Variants in SLC16A2 observed in about 807,000 individuals in gnomAD.
SLC16A2 encodes the protein solute carrier family 16 member 2, also known as monocarboxylate transporter 8.
SLC16A2 carries 3 observed loss-of-function variants against 27.2 expected under a neutral mutation model. That is an observed-to-expected ratio of 0.11 (90% CI 0.05 to 0.28). The LOEUF (loss-of-function observed/expected upper bound fraction) is 0.28. SLC16A2 is among the 10% of genes least tolerant of loss of function. The pLI is 1.00. For missense variants in SLC16A2, 295 were observed against 458.5 expected (o/e 0.64, Z 3.26); for synonymous variants, 202 against 187.8 (o/e 1.08, Z -0.62).
chrX:74,456,932 C>T (rs1353836776), intron 1 of SLC16A2, among the ~76,000 whole-genome samples: 1 of 112,073 alleles, frequency 8.9e-6, no homozygotes, highest in Non-Finnish European at 1.9e-5. Flanking sequence ...TAGGGTCACA[C>T]AGTAATGCAG....
intron 2 of SLC16A2, among the ~76,000 whole-genome samples, chrX:74,521,413 T>C (rs1930404687): frequency 8.9e-6 from 1 of 112,467 alleles, no homozygotes; most frequent in Admixed American, 9.4e-5. Context: ...AAGTCCGGTT[T>C]TGGCCACTGA....
intron 1 of SLC16A2, chrX:74,473,265 A>G: frequency 1.5e-6 from 1 of 669,442 alleles, no homozygotes; most frequent in Non-Finnish European, 2.4e-6. Flanking sequence ...CACCATAACC[A>G]CCACCACCAT....
chrX:74,501,495 A>G (rs1179245653), intron 1 of SLC16A2, among the ~76,000 whole-genome samples: 1 of 111,499 alleles, frequency 9.0e-6, no homozygotes, highest in African/African-American at 3.3e-5. Context: ...AGCACTAGCC[A>G]GTTTCATGGG....
chrX:74,456,579 C>T (rs1036932636), intron 1 of SLC16A2, among the ~76,000 whole-genome samples: 1 of 111,943 alleles, frequency 8.9e-6, no homozygotes, highest in Non-Finnish European at 1.9e-5. Context: ...TAATAATAAA[C>T]TCATGTGATG....
chrX:74,477,421 C>CA (rs1048579530), intron 1 of SLC16A2, among the ~76,000 whole-genome samples: 4 of 111,236 alleles, frequency 3.6e-5, no homozygotes, highest in African/African-American at 6.5e-5. Flanking sequence ...TTGATCTTTT[C>CA]AAAAAACCAG....
chrX:74,467,654 C>A (rs1929277003), intron 1 of SLC16A2, among the ~76,000 whole-genome samples: 1 of 111,516 alleles, frequency 9.0e-6, no homozygotes, highest in South Asian at 3.8e-4. Context: ...TTAAGAAAAC[C>A]CCAGAGAGCC....
At chrX:74,521,173 G>A in intron 2 of SLC16A2, 39 bp downstream of exon 2, 1 of 1,208,080 alleles carries the variant, frequency 8.3e-7, no homozygotes, top group Non-Finnish European at 1.1e-6. Flanking sequence ...CCAAGGCTGA[G>A]GGTTGGTTTT....
rs779257444 is a variant in SLC16A2 at position 74,475,608 on chromosome X, T to C, written c.431-45382T>C. Among the ~76,000 whole-genome samples, 782 of 111,944 alleles carry C rather than the reference T, an allele frequency of 7.0e-3. 7 individuals are homozygous for C. Among genetic ancestry groups the C allele is most frequent in the Non-Finnish European group, 0.012 (639 of 53,157 alleles). Reference sequence around the variant, plus strand: ...AGGTTTTCTTCTAGGATTTTTATGGTTTTAGGTCTAACATTTAAATCTTTA... The same window carrying C: ...AGGTTTTCTTCTAGGATTTTTATGGCTTTAGGTCTAACATTTAAATCTTTA... On this transcript the variant is annotated intron_variant, in intron 1 of 5. Coordinates refer to ENST00000587091, the MANE Select transcript of SLC16A2 (RefSeq NM_006517.5).
chrX:74,506,933 A>ATTTT (rs1481294733), intron 1 of SLC16A2, among the ~76,000 whole-genome samples: 4 of 29,947 alleles, frequency 1.3e-4, no homozygotes, highest in African/African-American at 2.5e-4. Context: ...TTATTTATTT[A>ATTTT]TTTATTTTTT....
chrX:74,452,594 T>C (rs1928962824), intron 1 of SLC16A2, among the ~76,000 whole-genome samples: 1 of 111,791 alleles, frequency 8.9e-6, no homozygotes, highest in Admixed American at 9.5e-5. Flanking sequence ...ATTATATATA[T>C]AGTTTTAAAT....
intron 1 of SLC16A2, among the ~76,000 whole-genome samples, chrX:74,462,057 T>C (rs1251140961): frequency 8.9e-6 from 1 of 111,857 alleles, no homozygotes; most frequent in Non-Finnish European, 1.9e-5. Flanking sequence ...TCCCTCTTCC[T>C]GCCTCCTCTT....
chrX:74,461,051 A>G (rs1929131881), intron 1 of SLC16A2, among the ~76,000 whole-genome samples: 1 of 112,188 alleles, frequency 8.9e-6, no homozygotes, highest in Non-Finnish European at 1.9e-5. Context: ...CTGAATGAAT[A>G]TCTCAGACAA....
chrX:74,489,122 C>T (rs180860391), intron 1 of SLC16A2, among the ~76,000 whole-genome samples: 2 of 111,856 alleles, frequency 1.8e-5, no homozygotes, highest in African/African-American at 6.5e-5. Flanking sequence ...CCTTAAGTTA[C>T]TTCCCGGTTA....
chrX:74,452,800 G>C (rs1928967380), intron 1 of SLC16A2, among the ~76,000 whole-genome samples: 1 of 111,042 alleles, frequency 9.0e-6, no homozygotes, highest in African/African-American at 3.3e-5. Flanking sequence ...TGGTTCTAAA[G>C]TATGGAGCCC....
chrX:74,529,591 C>G, intron 5 of SLC16A2, 150 bp downstream of exon 5: 2 of 458,451 alleles, frequency 4.4e-6, no homozygotes, highest in Middle Eastern at 6.0e-4. Flanking sequence ...CTTATCACTA[C>G]TGGTGGAAGA....
intron 1 of SLC16A2, among the ~76,000 whole-genome samples, chrX:74,474,969 A>T (rs1354043755): frequency 5.4e-5 from 6 of 111,210 alleles, no homozygotes; most frequent in African/African-American, 6.6e-5. Context: ...TAGCAGCATG[A>T]TTTATAATCC....
Position 74,531,631 on chromosome X carries a change from C to A in SLC16A2, c.*78C>A. On this transcript the variant is annotated 3_prime_UTR_variant, in exon 6 of 6. Transcript: ENST00000587091. ...CTGCTCAGCATTTACATTTTTGCCA[C>A]CAGCACACTTGTTCCCAGACCTGCG... 1 of 798,686 alleles carries A rather than the reference C, an allele frequency of 1.3e-6. No individual in the cohort carries two copies. The highest frequency in any genetic ancestry group is 1.9e-6 in the Non-Finnish European group (1 of 522,496). The allele number at this position is 798,686 out of a possible 1,213,427, so 65.8% of individuals were successfully genotyped here.
chrX:74,488,744 T>G (rs2147858733), intron 1 of SLC16A2, among the ~76,000 whole-genome samples: 1 of 111,730 alleles, frequency 9.0e-6, no homozygotes, highest in East Asian at 2.8e-4. Context: ...GGACAAAAAT[T>G]CACCACACAA....
intron 1 of SLC16A2, among the ~76,000 whole-genome samples, chrX:74,496,988 C>T (rs113980179): frequency 1.3e-3 from 144 of 111,938 alleles, no homozygotes; most frequent in African/African-American, 4.5e-3. Flanking sequence ...CTGATGCGCT[C>T]CTCTCTGTGT....
Sources: allele counts gnomAD v4.1 joint callset (sites outside exome capture counted in the v4.1 genomes callset), GRCh38; gene constraint gnomAD v4.1.1; transcripts MANE v1.5; gene names NCBI Gene and HGNC (gene_info 2026-07-23, HGNC 2026-07-21).